Variants in UNC5C observed in about 807,000 individuals in gnomAD.
The protein encoded by UNC5C is unc-5 netrin receptor C, also known as netrin receptor UNC5C.
Under a neutral mutation model 99.8 loss-of-function variants are expected in UNC5C, and 47 were observed. The ratio of observed to expected loss-of-function variants is 0.47; its 90% confidence interval spans 0.37 to 0.60. UNC5C has a LOEUF of 0.60. UNC5C is among the 20% of genes least tolerant of loss of function. The pLI is 0.00. For synonymous variants in UNC5C, 487 were observed against 452.2 expected (o/e 1.08, Z -0.98); for missense variants, 1,062 against 1,165.9 (o/e 0.91, Z 1.30).
At chr4:95,325,223 G>A (rs1742842798) in intron 2 of UNC5C, among the ~76,000 whole-genome samples, 1 of 152,074 alleles carries the variant, frequency 6.6e-6, no homozygotes, top group Admixed American at 6.6e-5. Context: ...ATGGACAAAG[G>A]GAAACCATTA....
chr4:95,489,201 T>G (rs1721412254), intron 1 of UNC5C, among the ~76,000 whole-genome samples: 1 of 151,122 alleles, frequency 6.6e-6, no homozygotes, highest in Non-Finnish European at 1.5e-5. Flanking sequence ...ATTTCAGACA[T>G]GACGATAGGG....
chr4:95,216,102 G>A, intron 10 of UNC5C, 22 bp downstream of exon 10: 1 of 1,590,630 alleles, frequency 6.3e-7, no homozygotes, highest in Non-Finnish European at 8.6e-7. Flanking sequence ...TAAAGTCAGT[G>A]CACCAGAAAA....
At chr4:95,512,798 A>T (rs943545023) in intron 1 of UNC5C, among the ~76,000 whole-genome samples, 31 of 152,134 alleles carry the variant, frequency 2.0e-4, no homozygotes, top group African/African-American at 7.0e-4. Context: ...AGCAAAAGTA[A>T]TTTTTTTATT....
At position 95,165,817 on chromosome 4, in the gene UNC5C, G is replaced by A. The variant is rs149909635; in HGVS notation, c.*3417C>T. 4 of 152,258 alleles carry A rather than the reference G, an allele frequency of 2.6e-5. No individual in the cohort carries two copies. The highest frequency in any genetic ancestry group is 6.5e-5 in the Admixed American group (1 of 15,292). The allele number at this position is 152,258 out of a possible 1,614,324, so 9.4% of individuals were successfully genotyped here. ...ATACAAACCCCAATGAAAACCATAA[G>A]TGTTAAAAATGACAACTCTTCAAAG... On this transcript the variant is annotated 3_prime_UTR_variant, in exon 16 of 16. Transcript: ENST00000453304.
chr4:95,424,654 T>TG (rs1030146298), intron 1 of UNC5C, among the ~76,000 whole-genome samples: 34 of 151,374 alleles, frequency 2.2e-4, no homozygotes, highest in African/African-American at 8.0e-4. Context: ...CCCGAGTAGC[T>TG]GGGACTACAG....
chr4:95,327,485 C>T (rs890906276), intron 2 of UNC5C, among the ~76,000 whole-genome samples: 5 of 151,982 alleles, frequency 3.3e-5, no homozygotes, highest in African/African-American at 1.2e-4. Flanking sequence ...TTATATGTTT[C>T]TCCAGAAAAA....
chr4:95,332,032 C>T (rs28503338), intron 2 of UNC5C, among the ~76,000 whole-genome samples: 59,557 of 151,358 alleles, frequency 0.39, 13,403 homozygotes, highest in East Asian at 0.83. Flanking sequence ...AGGACCTCTT[C>T]AAGGAGAACT....
intron 1 of UNC5C, among the ~76,000 whole-genome samples, chr4:95,459,522 A>G (rs1012453087): frequency 1.3e-5 from 2 of 152,198 alleles, no homozygotes; most frequent in African/African-American, 2.4e-5. Context: ...TATCAGACTC[A>G]TAAGTCACAT....
At chr4:95,534,226 G>A (rs1722720703) in intron 1 of UNC5C, among the ~76,000 whole-genome samples, 1 of 152,238 alleles carries the variant, frequency 6.6e-6, no homozygotes, top group East Asian at 1.9e-4. Flanking sequence ...TCCTGTGGGG[G>A]TATCATCCTG....
intron 15 of UNC5C, 56 bp downstream of exon 15, chr4:95,170,098 C>G (rs757889142): frequency 6.4e-7 from 1 of 1,561,852 alleles, no homozygotes; most frequent in African/African-American, 1.4e-5. Context: ...TAATAGTTAT[C>G]GGTCCTGGAG....
At chr4:95,476,231 T>C (rs1249650802) in intron 1 of UNC5C, among the ~76,000 whole-genome samples, 1 of 152,058 alleles carries the variant, frequency 6.6e-6, no homozygotes, top group Non-Finnish European at 1.5e-5. Flanking sequence ...AGCCCTATTT[T>C]CAGTGGTTAG....
At chr4:95,450,245 T>C (rs1234288186) in intron 1 of UNC5C, among the ~76,000 whole-genome samples, 1 of 152,198 alleles carries the variant, frequency 6.6e-6, no homozygotes, top group Admixed American at 6.5e-5. Flanking sequence ...GGGATCTTGC[T>C]CTGTCACCTA....
At chr4:95,387,805 G>C (rs1745252747) in intron 1 of UNC5C, among the ~76,000 whole-genome samples, 1 of 152,044 alleles carries the variant, frequency 6.6e-6, no homozygotes, top group South Asian at 2.1e-4. Context: ...ATTTTTACTT[G>C]TAATAACCTG....
intron 1 of UNC5C, among the ~76,000 whole-genome samples, chr4:95,341,986 C>T (rs550587564): frequency 5.1e-4 from 77 of 152,258 alleles, no homozygotes; most frequent in African/African-American, 1.8e-3. Context: ...AGAGGGGACT[C>T]ACCCATCCTT....
chr4:95,459,963 A>T (rs555944904), intron 1 of UNC5C, among the ~76,000 whole-genome samples: 1 of 152,350 alleles, frequency 6.6e-6, no homozygotes, highest in Non-Finnish European at 1.5e-5. Flanking sequence ...GCATTATTTT[A>T]AATGGCAACA....
intron 4 of UNC5C, among the ~76,000 whole-genome samples, chr4:95,274,302 G>A (rs985475173): frequency 2.0e-5 from 3 of 152,120 alleles, no homozygotes; most frequent in Non-Finnish European, 4.4e-5. Flanking sequence ...GGCTCCCTGG[G>A]ATTTCTGGAT....
At chr4:95,289,971 C>T (rs757189607) in intron 3 of UNC5C, among the ~76,000 whole-genome samples, 63 of 152,026 alleles carry the variant, frequency 4.1e-4, no homozygotes, top group Non-Finnish European at 1.3e-4. Context: ...TGCTAAGCAA[C>T]TCTTATTGTG....
chr4:95,228,135 C>T (rs1209284626), intron 7 of UNC5C, among the ~76,000 whole-genome samples: 1 of 152,158 alleles, frequency 6.6e-6, no homozygotes, highest in East Asian at 1.9e-4. Context: ...CAACAATATA[C>T]CTAAATGTAG....
At chr4:95,223,844 C>G (rs1048316238) in intron 7 of UNC5C, among the ~76,000 whole-genome samples, 1 of 152,082 alleles carries the variant, frequency 6.6e-6, no homozygotes, top group South Asian at 2.1e-4. Context: ...TAGAGGAGAC[C>G]AGATCACAAT....
Sources: allele counts gnomAD v4.1 joint callset (sites outside exome capture counted in the v4.1 genomes callset), GRCh38; gene constraint gnomAD v4.1.1; transcripts MANE v1.5; gene names NCBI Gene and HGNC (gene_info 2026-07-23, HGNC 2026-07-21).